The following DNM3 variants were observed in gnomAD, a reference collection of about 807,000 sequenced individuals.
DNM3 encodes dynamin-3.
A neutral mutation model predicts 101.6 loss-of-function variants in DNM3; 47 were observed. The observed-to-expected ratio is 0.46, with a 90% CI of 0.37 to 0.59. The LOEUF is 0.59. DNM3 is among the 20% of genes least tolerant of loss of function. The pLI is 0.00. For missense variants in DNM3, 849 were observed against 1,085.7 expected (o/e 0.78, Z 3.06); for synonymous variants, 385 against 387.9 (o/e 0.99, Z 0.09).
At chr1:172,184,122 T>G (rs1242025214) in intron 14 of DNM3, among the ~76,000 whole-genome samples, 1 of 152,082 alleles carries the variant, frequency 6.6e-6, no homozygotes, top group Non-Finnish European at 1.5e-5. Context: ...TCACAAGTTG[T>G]GAAGTTCATT....
chr1:172,224,027 A>T (rs1474466649), intron 14 of DNM3, among the ~76,000 whole-genome samples: 1 of 152,162 alleles, frequency 6.6e-6, no homozygotes, highest in African/African-American at 2.4e-5. Flanking sequence ...ACTGAATTTA[A>T]TCCAAACTTC....
At chr1:171,853,254 C>A (rs897319755) in intron 1 of DNM3, among the ~76,000 whole-genome samples, 1 of 151,976 alleles carries the variant, frequency 6.6e-6, no homozygotes, top group Non-Finnish European at 1.5e-5. Context: ...GCCTTGATAT[C>A]CCTGGCTGAT....
At chr1:172,222,890 A>G (rs980522554) in intron 14 of DNM3, among the ~76,000 whole-genome samples, 1 of 152,134 alleles carries the variant, frequency 6.6e-6, no homozygotes, top group African/African-American at 2.4e-5. Flanking sequence ...AGATGTATGT[A>G]TGATTCTTGT....
At chr1:171,881,272 T>C (rs193118497) in intron 1 of DNM3, among the ~76,000 whole-genome samples, 4 of 152,348 alleles carry the variant, frequency 2.6e-5, no homozygotes, top group African/African-American at 9.6e-5. Flanking sequence ...GTGGCCTTTT[T>C]AGGACATAGT....
At chr1:172,177,143 C>G (rs1433376132) in intron 14 of DNM3, among the ~76,000 whole-genome samples, 1 of 151,502 alleles carries the variant, frequency 6.6e-6, no homozygotes, top group Non-Finnish European at 1.5e-5. Context: ...CAGTAAGAGC[C>G]AGTTTTTCAA....
At chr1:171,895,688 G>T (rs1350913624) in intron 1 of DNM3, among the ~76,000 whole-genome samples, 1 of 152,030 alleles carries the variant, frequency 6.6e-6, no homozygotes, top group Non-Finnish European at 1.5e-5. Context: ...ATTGCTTTTG[G>T]TGTTTTAGTC....
intron 14 of DNM3, among the ~76,000 whole-genome samples, chr1:172,226,463 T>G (rs1489950833): frequency 6.6e-6 from 1 of 152,184 alleles, no homozygotes; most frequent in Non-Finnish European, 1.5e-5. Context: ...AGCTCTTTTC[T>G]TTTTTGGACT....
At chr1:172,156,475 C>T (rs932717616) in intron 14 of DNM3, among the ~76,000 whole-genome samples, 2 of 151,988 alleles carry the variant, frequency 1.3e-5, no homozygotes, top group African/African-American at 4.8e-5. Flanking sequence ...ATTTCATGTT[C>T]CAGACGATTC....
At chr1:171,947,508 A>G (rs901106082) in intron 2 of DNM3, among the ~76,000 whole-genome samples, 2 of 152,128 alleles carry the variant, frequency 1.3e-5, no homozygotes, top group Non-Finnish European at 2.9e-5. Flanking sequence ...AAAAATCAGT[A>G]TTTCTCAGCA....
intron 14 of DNM3, among the ~76,000 whole-genome samples, chr1:172,164,529 C>A (rs2058679186): frequency 6.6e-6 from 1 of 151,918 alleles, no homozygotes; most frequent in South Asian, 2.1e-4. Flanking sequence ...CTGGAGCAAC[C>A]ACTTCTCCTG....
At chr1:171,993,887 G>C (rs937410978) in intron 4 of DNM3, among the ~76,000 whole-genome samples, 5 of 151,640 alleles carry the variant, frequency 3.3e-5, no homozygotes, top group Admixed American at 3.3e-4. Context: ...AATCTCTATA[G>C]TGAATTTTTT....
intron 10 of DNM3, among the ~76,000 whole-genome samples, chr1:172,057,221 G>A (rs1276361300): frequency 6.6e-6 from 1 of 152,172 alleles, no homozygotes; most frequent in East Asian, 1.9e-4. Context: ...CATCTGACTG[G>A]TGTACCTGAA....
chr1:172,084,587 T>A (rs538239605), intron 12 of DNM3, among the ~76,000 whole-genome samples: 85 of 152,280 alleles, frequency 5.6e-4, no homozygotes, highest in Non-Finnish European at 1.0e-3. Context: ...TTTGAGGGGT[T>A]GTGGTATTTT....
At chr1:171,849,034 C>CAT (rs1234019304) in intron 1 of DNM3, among the ~76,000 whole-genome samples, 1 of 152,168 alleles carries the variant, frequency 6.6e-6, no homozygotes. Flanking sequence ...CCATGAATAG[C>CAT]ATATATATAC....
At chr1:172,174,896 A>G (rs2059101060) in intron 14 of DNM3, among the ~76,000 whole-genome samples, 1 of 151,814 alleles carries the variant, frequency 6.6e-6, no homozygotes, top group Non-Finnish European at 1.5e-5. Flanking sequence ...GAAAGTTTCC[A>G]TAATTTATCT....
At chr1:172,269,393 AGAACAACCCCAGCTGCTATTCATTAAT>A (rs1436694784) in intron 15 of DNM3, among the ~76,000 whole-genome samples, 1 of 152,196 alleles carries the variant, frequency 6.6e-6, no homozygotes, top group Non-Finnish European at 1.5e-5. Context: ...TGGAAACCAT[AGAACAACCCCAGCTGCTATTCATTAAT>A]GATAGGGGAC....
At chr1:172,089,522 G>T (rs2053764944) in intron 12 of DNM3, among the ~76,000 whole-genome samples, 1 of 152,174 alleles carries the variant, frequency 6.6e-6, no homozygotes, top group Non-Finnish European at 1.5e-5. Context: ...TTATGAGAAA[G>T]AATGTATTCT....
At chr1:172,253,478 T>C in intron 14 of DNM3, 95 bp from the exon 15 acceptor site, 1 of 879,360 alleles carries the variant, frequency 1.1e-6, no homozygotes, top group Non-Finnish European at 1.7e-6. Flanking sequence ...TTTATTAAAG[T>C]CAATTTTCTG....
Position 172,268,023 on chromosome 1 carries a change from T to G in DNM3, c.1769+14341T>G, listed in dbSNP as rs564860290. On this transcript the variant is annotated intron_variant, in intron 15 of 20. Transcript: ENST00000627582. Reference sequence around the variant, plus strand: ...CACGGCACCTGGCCAGGTTTTCTATTAGTTTTAAAAGTTAAGCAGGAGGAG... The same window carrying G: ...CACGGCACCTGGCCAGGTTTTCTATGAGTTTTAAAAGTTAAGCAGGAGGAG... 4.6e-5 allele frequency among the ~76,000 whole-genome samples: 7 copies of G among 152,290 alleles called. No individual in the cohort carries two copies. The South Asian group carries it at 1.4e-3, about 32-fold the overall frequency.
Sources: allele counts gnomAD v4.1 joint callset (sites outside exome capture counted in the v4.1 genomes callset), GRCh38; gene constraint gnomAD v4.1.1; transcripts MANE v1.5; gene names NCBI Gene and HGNC (gene_info 2026-07-23, HGNC 2026-07-21).